The following HIBADH variants were observed in gnomAD, a reference collection of about 807,000 sequenced individuals.
HIBADH encodes 3-hydroxyisobutyrate dehydrogenase, mitochondrial.
HIBADH carries 25 observed loss-of-function variants against 36.1 expected under a neutral mutation model. That is an observed-to-expected ratio of 0.69 (90% CI 0.50 to 0.97). The LOEUF (loss-of-function observed/expected upper bound fraction) is 0.97, where lower values mean the gene tolerates loss of function less well. HIBADH is among the 50% of genes least tolerant of loss of function. The pLI is 0.00. For synonymous variants in HIBADH, 160 were observed against 149.5 expected (o/e 1.07, Z -0.51); for missense variants, 421 against 418.0 (o/e 1.01, Z -0.06).
At chr7:27,535,561 T>G (rs143370247) in intron 6 of HIBADH, among the ~76,000 whole-genome samples, 19 of 152,178 alleles carry the variant, frequency 1.2e-4, no homozygotes, top group African/African-American at 4.1e-4. Flanking sequence ...AGCTGGTAAT[T>G]TAAAACAACA....
intron 4 of HIBADH, among the ~76,000 whole-genome samples, chr7:27,625,794 G>T (rs370482763): frequency 1.3e-5 from 2 of 151,920 alleles, no homozygotes; most frequent in South Asian, 2.1e-4. Flanking sequence ...GCGTGATGTG[G>T]GCTCTGATAA....
At chr7:27,577,286 C>T (rs1330596197) in intron 4 of HIBADH, among the ~76,000 whole-genome samples, 6 of 151,802 alleles carry the variant, frequency 4.0e-5, no homozygotes, top group African/African-American at 1.5e-4. Flanking sequence ...ACCTCATCCT[C>T]CCAGGTAGCT....
intron 4 of HIBADH, among the ~76,000 whole-genome samples, chr7:27,585,532 C>T (rs1784849524): frequency 6.6e-6 from 1 of 152,188 alleles, no homozygotes; most frequent in Non-Finnish European, 1.5e-5. Flanking sequence ...TATTTGCCTT[C>T]ATTGTGGCTC....
chr7:27,528,012 C>T (rs145606222), intron 7 of HIBADH, among the ~76,000 whole-genome samples: 82 of 148,814 alleles, frequency 5.5e-4, no homozygotes, highest in African/African-American at 1.9e-3. Context: ...ATACACCTGC[C>T]TCGGCCTCCC....
At chr7:27,598,717 A>C (rs779781474) in intron 4 of HIBADH, among the ~76,000 whole-genome samples, 2 of 152,212 alleles carry the variant, frequency 1.3e-5, no homozygotes, top group Middle Eastern at 3.2e-3. Flanking sequence ...TTCCCAAAAA[A>C]GGGCCATATA....
intron 4 of HIBADH, among the ~76,000 whole-genome samples, chr7:27,605,756 A>G (rs1193200459): frequency 1.3e-5 from 2 of 152,122 alleles, no homozygotes; most frequent in Non-Finnish European, 2.9e-5. Context: ...CTTTGCAGAT[A>G]CTTAACCTTG....
In HIBADH at chr7:27,662,746, G is replaced by T; in HGVS notation, c.43C>A (p.Arg15=). The change falls in exon 1 of 8, where the codon CGG becomes AGG. Residue 15 remains arginine (R), a synonymous_variant. Coordinates refer to ENST00000265395, the MANE Select transcript of HIBADH (RefSeq NM_152740.4). The part of the protein sequence containing the change: ...LRLLGAASGL[R]YWSRRLRPAA... ...GGCCGCAGCCGCCGGCTCCAGTACCGGAGACCGGAGGCAGCTCCGAGGAGC... is the reference window on the plus strand; with the variant it reads ...GGCCGCAGCCGCCGGCTCCAGTACCTGAGACCGGAGGCAGCTCCGAGGAGC... 7.0e-7 allele frequency: 1 copy of T among 1,430,394 alleles called. No homozygotes were observed. 88.6% of individuals were successfully genotyped at this position (1,430,394 alleles called of 1,614,324 possible).
At chr7:27,538,689 T>A (rs546074104) in intron 5 of HIBADH, among the ~76,000 whole-genome samples, 1 of 152,290 alleles carries the variant, frequency 6.6e-6, no homozygotes, top group South Asian at 2.1e-4. Context: ...CTCAGCACTA[T>A]AGGGCACAAC....
At chr7:27,645,416 C>T (rs1180901820) in intron 2 of HIBADH, among the ~76,000 whole-genome samples, 1 of 103,708 alleles carries the variant, frequency 9.6e-6, no homozygotes, top group African/African-American at 4.4e-5. Context: ...CTTACTCTGT[C>T]GCCCAGGCTG....
At chr7:27,650,544 G>C (rs1193488960) in intron 1 of HIBADH, among the ~76,000 whole-genome samples, 1 of 148,000 alleles carries the variant, frequency 6.8e-6, no homozygotes, top group East Asian at 2.0e-4. Context: ...CCAGATTGGA[G>C]GGCAGTAATG....
chr7:27,634,275 AC>A (rs1361165391), intron 2 of HIBADH, among the ~76,000 whole-genome samples: 1 of 152,220 alleles, frequency 6.6e-6, no homozygotes, highest in Non-Finnish European at 1.5e-5. Context: ...ACAATGAGAT[AC>A]ATTCAACCTG....
chr7:27,645,368 A>ATGTGTTTTTTTTTTTTTTTTT (rs1554300959), intron 2 of HIBADH, among the ~76,000 whole-genome samples: 1 of 59,652 alleles, frequency 1.7e-5, no homozygotes, highest in African/African-American at 6.3e-5. Flanking sequence ...CATGGTTTTG[A>ATGTGTTTTTTTTTTTTTTTTT]TTTTTTTTTT....
chr7:27,656,182 A>G (rs1786300731), intron 1 of HIBADH, among the ~76,000 whole-genome samples: 1 of 152,202 alleles, frequency 6.6e-6, no homozygotes, highest in Non-Finnish European at 1.5e-5. Context: ...ACATACAAAC[A>G]AATGGGTATG....
intron 1 of HIBADH, among the ~76,000 whole-genome samples, chr7:27,652,176 C>A (rs1005806135): frequency 1.3e-5 from 2 of 152,176 alleles, no homozygotes; most frequent in African/African-American, 2.4e-5. Context: ...ATACCTAATA[C>A]TTTACTAAGT....
At chr7:27,569,519 C>T (rs527257429) in intron 4 of HIBADH, among the ~76,000 whole-genome samples, 175 of 152,170 alleles carry the variant, frequency 1.2e-3, no homozygotes, top group Non-Finnish European at 1.7e-3. Flanking sequence ...GCTATCTATC[C>T]CACAGCTACT....
chr7:27,548,002 T>C (rs73686433), intron 4 of HIBADH, among the ~76,000 whole-genome samples: 100 of 152,236 alleles, frequency 6.6e-4, no homozygotes, highest in African/African-American at 2.0e-3. Flanking sequence ...ATCAGAAACA[T>C]TGAACTCATT....
chr7:27,613,853 T>C (rs890974570), intron 4 of HIBADH, among the ~76,000 whole-genome samples: 23 of 152,036 alleles, frequency 1.5e-4, no homozygotes, highest in Non-Finnish European at 2.6e-4. Flanking sequence ...AGAGACAGGG[T>C]TTCACCATGT....
chr7:27,588,423 G>T (rs1784893577), intron 4 of HIBADH, among the ~76,000 whole-genome samples: 1 of 152,116 alleles, frequency 6.6e-6, no homozygotes, highest in Non-Finnish European at 1.5e-5. Flanking sequence ...CTAACTCCTG[G>T]GCTCAAGTGA....
chr7:27,660,664 G>GA (rs70974491), intron 1 of HIBADH, among the ~76,000 whole-genome samples: 31,185 of 147,572 alleles, frequency 0.21, 4,091 homozygotes, highest in East Asian at 0.45. Context: ...GACTCCGAGG[G>GA]AAAAAAAAAA....
Sources: gnomAD v4.1 joint callset for allele counts (sites outside exome capture counted in the v4.1 genomes callset) on GRCh38, gnomAD v4.1.1 for gene constraint, MANE v1.5 for transcripts, NCBI Gene and HGNC (gene_info 2026-07-23, HGNC 2026-07-21) for gene names.